The following MED27 variants were observed in gnomAD, a reference collection of about 807,000 sequenced individuals.
MED27 encodes the protein mediator complex subunit 27.
Under a neutral mutation model 38.2 loss-of-function variants are expected in MED27, and 30 were observed. The ratio of observed to expected loss-of-function variants is 0.79; its 90% CI spans 0.59 to 1.07. The LOEUF (loss-of-function observed/expected upper bound fraction) is 1.07, where lower values mean the gene tolerates loss of function less well. Ranked by LOEUF, MED27 falls within the 50% of genes least tolerant of loss-of-function variation. The probability of loss-of-function intolerance (pLI) is 0.00; values close to 1 mark genes in which losing one functional copy is unlikely to be tolerated. For synonymous variants in MED27, 122 were observed against 153.5 expected, an observed-to-expected ratio of 0.79 and a Z score of 1.52; for missense variants, 289 against 397.5, an observed-to-expected ratio of 0.73 and a Z score of 2.32.
In MED27 at chr9:132,003,384, C is replaced by T. The variant is rs1832285620; in HGVS notation, c.479+10953G>A. Among the ~76,000 whole-genome samples, 1 of 152,170 alleles carries T rather than the reference C, an allele frequency of 6.6e-6. No individual in the cohort carries two copies. The highest frequency in any genetic ancestry group is 1.5e-5 in the Non-Finnish European group (1 of 68,038). ...TTTGACTCAGTATCTACGGAAGACA[C>T]TGGGTTTTAAATTTTAGTCTATGTC... On this transcript the variant is annotated intron_variant, in intron 3 of 7. Coordinates refer to ENST00000292035, the MANE Select transcript of MED27 (RefSeq NM_004269.4). This position sits in a 1 kb window ranked among gnomAD's most constrained non-coding sequence, Gnocchi z 4.2.
chr9:131,892,934 C>T (rs915640622), intron 5 of MED27, among the ~76,000 whole-genome samples: 2 of 152,340 alleles, frequency 1.3e-5, no homozygotes, highest in East Asian at 1.9e-4. Context: ...TTGCATCCCA[C>T]GTAGACAACA....
intron 6 of MED27, among the ~76,000 whole-genome samples, chr9:131,865,665 T>C (rs1029276745): frequency 2.8e-4 from 42 of 152,236 alleles, no homozygotes; most frequent in Non-Finnish European, 4.9e-4. Flanking sequence ...TTCCCTGCGA[T>C]AGGAACGTCA....
At chr9:131,900,050 T>C (rs1214645663) in intron 4 of MED27, among the ~76,000 whole-genome samples, 1 of 152,210 alleles carries the variant, frequency 6.6e-6, no homozygotes, top group Non-Finnish European at 1.5e-5. Flanking sequence ...GGTAACACTT[T>C]TCTATACCAA....
At chr9:132,009,915 G>A (rs964057474) in intron 3 of MED27, among the ~76,000 whole-genome samples, 2 of 152,162 alleles carry the variant, frequency 1.3e-5, no homozygotes, top group Non-Finnish European at 2.9e-5. Flanking sequence ...TGTTGATGGG[G>A]TTGTTTTTTC....
intron 4 of MED27, among the ~76,000 whole-genome samples, chr9:131,906,383 T>A (rs571991398): frequency 2.0e-5 from 3 of 152,306 alleles, no homozygotes; most frequent in Admixed American, 2.0e-4. Context: ...CCATGCCCAG[T>A]GCCGGAGCAG....
intron 3 of MED27, among the ~76,000 whole-genome samples, chr9:131,940,471 A>C (rs938068203): frequency 7.3e-5 from 11 of 151,654 alleles, no homozygotes; most frequent in Non-Finnish European, 1.2e-4. Context: ...GCTGGAGTGC[A>C]GTGGTGCTAT....
At chr9:131,881,040 G>A (rs1839027452) in intron 6 of MED27, among the ~76,000 whole-genome samples, 1 of 152,136 alleles carries the variant, frequency 6.6e-6, no homozygotes, top group South Asian at 2.1e-4. Flanking sequence ...AGTCATCATT[G>A]GCCTTTTGTG....
At chr9:131,986,999 ATTTTTTTT>A (rs66519112) in intron 3 of MED27, among the ~76,000 whole-genome samples, 1 of 46,224 alleles carries the variant, frequency 2.2e-5, no homozygotes, top group South Asian at 1.4e-3. Flanking sequence ...GAGTTCATGG[ATTTTTTTT>A]TTTTTTTTTT....
chr9:132,044,776 T>C (rs1013669855), intron 2 of MED27, among the ~76,000 whole-genome samples: 9 of 152,238 alleles, frequency 5.9e-5, no homozygotes, highest in African/African-American at 1.4e-4. Flanking sequence ...TAATTTTTTT[T>C]CCCCTTCATT....
chr9:131,967,563 C>A (rs1831376224), intron 3 of MED27, among the ~76,000 whole-genome samples: 1 of 151,494 alleles, frequency 6.6e-6, no homozygotes, highest in South Asian at 2.1e-4. Context: ...ACGATCTCAG[C>A]TCACTGCAAC....
At chr9:131,993,446 T>C (rs1832022541) in intron 3 of MED27, among the ~76,000 whole-genome samples, 3 of 152,144 alleles carry the variant, frequency 2.0e-5, no homozygotes, top group African/African-American at 7.2e-5. Flanking sequence ...TACCCAGCTG[T>C]GGGAGGACAG....
chr9:131,863,915 A>G (rs763389468), intron 6 of MED27, among the ~76,000 whole-genome samples: 3 of 152,196 alleles, frequency 2.0e-5, no homozygotes, highest in Non-Finnish European at 4.4e-5. Flanking sequence ...TCAGGTGACC[A>G]GATGGACAGA....
intron 2 of MED27, among the ~76,000 whole-genome samples, chr9:132,050,422 C>G (rs1470255671): frequency 6.6e-6 from 1 of 152,156 alleles, no homozygotes; most frequent in Admixed American, 6.5e-5. Flanking sequence ...GCTGACACAG[C>G]CCGTGGGAAG....
chr9:132,011,949 C>CT lies in MED27; in HGVS notation c.479+2387dup, dbSNP rs55947789. ...ATGACAGTTGTGAACACCTCTCGCTCTTTTTTTTTTTTTTTGGCATGAGAA... is the reference window on the plus strand; with the variant it reads ...ATGACAGTTGTGAACACCTCTCGCTCTTTTTTTTTTTTTTTTGGCATGAGAA... On this transcript the variant is annotated intron_variant, in intron 3 of 7. Transcript: ENST00000292035. Among the ~76,000 whole-genome samples, 938 of 138,576 alleles carry CT rather than the reference C, an allele frequency of 6.8e-3. 9 individuals are homozygous for CT. The highest frequency in any genetic ancestry group is 0.021 in the African/African-American group (799 of 38,420). The allele number at this position is 138,576 out of a possible 152,430, so 90.9% of individuals were successfully genotyped here.
intron 3 of MED27, among the ~76,000 whole-genome samples, chr9:132,010,402 G>A (rs868273589): frequency 2.0e-4 from 30 of 152,282 alleles, no homozygotes; most frequent in Admixed American, 1.0e-3. Context: ...GAGAGGATGT[G>A]GAGAAATAGG....
chr9:131,884,153 C>T, intron 5 of MED27, 54 bp from the exon 6 acceptor site: 1 of 1,432,170 alleles, frequency 7.0e-7, no homozygotes, highest in Non-Finnish European at 9.5e-7. Flanking sequence ...TTCGGGACTT[C>T]AAGAAATAAT....
At chr9:132,011,520 G>T (rs867240841) in intron 3 of MED27, among the ~76,000 whole-genome samples, 1 of 152,274 alleles carries the variant, frequency 6.6e-6, no homozygotes, top group Middle Eastern at 3.4e-3. Flanking sequence ...AGTGCAATGG[G>T]GCGGGACGCA....
chr9:132,044,576 G>A (rs374559781), intron 2 of MED27, among the ~76,000 whole-genome samples: 7 of 152,184 alleles, frequency 4.6e-5, no homozygotes, highest in East Asian at 1.9e-4. Flanking sequence ...CAGCCAGGCC[G>A]CCCACTGCAC....
rs538601930 is a variant in MED27 at position 131,889,182 on chromosome 9, A to G, written c.681+4703T>C. ...CGACCCACATGCACACACACAGCCA[A>G]CTTTGAAGTGGGAAGAATGCAGGGA... On this transcript the variant is annotated intron_variant, in intron 5 of 7. Coordinates refer to ENST00000292035, the MANE Select transcript of MED27 (RefSeq NM_004269.4). This position sits in a 1 kb window ranked among gnomAD's most constrained non-coding sequence, Gnocchi z 4.2. 2.6e-5 allele frequency among the ~76,000 whole-genome samples: 4 copies of G among 152,306 alleles called. No individual in the cohort carries two copies. The highest frequency in any genetic ancestry group is 9.6e-5 in the African/African-American group (4 of 41,586).
Sources: gnomAD v4.1 joint callset for allele counts (sites outside exome capture counted in the v4.1 genomes callset) on GRCh38, gnomAD v4.1.1 for gene constraint, Gnocchi (gnomAD v3.1) non-coding constraint, MANE v1.5 for transcripts, NCBI Gene and HGNC (gene_info 2026-07-23, HGNC 2026-07-21) for gene names.